Variants in CDH11 observed in about 807,000 individuals in gnomAD.
CDH11 encodes the protein cadherin-11.
CDH11 carries 11 observed loss-of-function variants against 67.8 expected under a neutral mutation model. The observed-to-expected ratio is 0.16, with a 90% CI of 0.10 to 0.27. The LOEUF (loss-of-function observed/expected upper bound fraction) is 0.27, where lower values mean the gene tolerates loss of function less well. Ranked by LOEUF, CDH11 falls within the 10% of genes least tolerant of loss-of-function variation. The pLI is 1.00. For synonymous variants in CDH11, 419 were observed against 400.0 expected, an observed-to-expected ratio of 1.05 and a Z score of -0.57; for missense variants, 847 against 1,031.2, an observed-to-expected ratio of 0.82 and a Z score of 2.45.
chr16:64,957,600 GCACACA>G (rs66508762), intron 11 of CDH11, among the ~76,000 whole-genome samples: 2,436 of 145,048 alleles, frequency 0.017, 40 homozygotes, highest in African/African-American at 0.039. Context: ...ACATGCCCGT[GCACACA>G]CACACACACA....
Position 64,982,208 on chromosome 16 carries a change from T to C in CDH11, c.1093A>G (p.Lys365Glu), listed in dbSNP as rs755267469. The change falls in exon 8 of 13, where the codon AAG (lysine) becomes GAG (glutamate). Residue 365 changes from lysine (K) to glutamate (E), a missense_variant. Physicochemically the swap from Lys to Glu is moderately conservative, Grantham distance 56 (BLOSUM62 1). Around this residue, in one of 2 missense-constraint regions of CDH11, gnomAD observed 612 missense variants for 678.7 expected, o/e 0.90. Coordinates refer to ENST00000268603, the MANE Select transcript of CDH11 (RefSeq NM_001797.4). ...GAGATCTTGACGGTCACAGTGTCCT[T>C]GAAAGGGCCATTGCTGATAAACTTC... ...DPKFISNGPF[K>E]DTVTVKISVE... 1.2e-6 allele frequency: 2 copies of C among 1,614,046 alleles called. No homozygotes were observed. The highest frequency in any genetic ancestry group is 2.2e-5 in the East Asian group (1 of 44,876).
At chr16:64,992,132 C>T (rs1486223752) in intron 5 of CDH11, among the ~76,000 whole-genome samples, 197 bp from the exon 6 acceptor site, 1 of 152,172 alleles carries the variant, frequency 6.6e-6, no homozygotes, top group South Asian at 2.1e-4. Context: ...ATAAAAATTA[C>T]TATACAGCAT....
At position 64,950,806 on chromosome 16, in the gene CDH11, C is replaced by A. The variant is rs769244467; in HGVS notation, c.1855G>T (p.Ala619Ser). ...ATGCAGGCGAGGATGGCGATCAGGGCGCCTGTGCTCAGGCCGGCGTTCAGA... is the reference window on the plus strand; with the variant it reads ...ATGCAGGCGAGGATGGCGATCAGGGAGCCTGTGCTCAGGCCGGCGTTCAGA... ...YILNAGLSTG[A>S]LIAILACIVI... Residue 619 changes from alanine to serine, a missense_variant, in exon 12 of 13, where the codon GCC becomes TCC. Transcript: ENST00000268603. The A allele has an allele frequency of 6.2e-7, 1 of 1,614,120 alleles. No individual in the cohort carries two copies. The highest frequency in any genetic ancestry group is 8.5e-7 in the Non-Finnish European group (1 of 1,180,006).
chr16:65,032,490 C>CAG lies in CDH11; in HGVS notation c.-173+21312_-173+21313dup, dbSNP rs139946984. Among the ~76,000 whole-genome samples, 262 of 149,434 alleles carry CAG rather than the reference C, an allele frequency of 1.8e-3. 1 individual carries two copies. Among genetic ancestry groups the CAG allele is most frequent in the East Asian group, 7.6e-3 (39 of 5,106 alleles). The stretch of plus-strand genomic sequence containing the variant: ...AGGTGACAGGATGAGGAAAAAGAGA[C>CAG]AGAGAGAGAGAGAGAGAGAATCAGA... On this transcript the variant is annotated intron_variant, in intron 2 of 12. Coordinates refer to ENST00000268603, the MANE Select transcript of CDH11 (RefSeq NM_001797.4).
chr16:65,005,034 G>A lies in CDH11; in HGVS notation c.-165C>T, dbSNP rs2073018104. The A allele has an allele frequency of 1.5e-6, 2 of 1,347,536 alleles. No individual in the cohort carries two copies. Among genetic ancestry groups the A allele is most frequent in the African/African-American group, 1.5e-5 (1 of 66,262 alleles). 83.5% of individuals were successfully genotyped at this position (1,347,536 alleles called of 1,614,324 possible). A position where few individuals can be genotyped will look rare whatever the true frequency, so the allele number is the denominator to read the frequency against. Reference sequence around the variant, plus strand: ...CACGTCAGGGCTGCCCACGTCCCCAGTTAGCTTCTGCAAGCAGAGAGAGGT... The same window carrying A: ...CACGTCAGGGCTGCCCACGTCCCCAATTAGCTTCTGCAAGCAGAGAGAGGT... On this transcript the variant is annotated 5_prime_UTR_variant, in exon 3 of 13. Transcript: ENST00000268603.
At chr16:64,988,042 A>G (rs1357559376) in intron 7 of CDH11, 115 bp downstream of exon 7, 1 of 729,066 alleles carries the variant, frequency 1.4e-6, no homozygotes, top group Admixed American at 2.7e-5. Context: ...AAGTCAGGTC[A>G]GCCCCTGGTT....
At chr16:65,000,469 T>G (rs1208951484) in intron 3 of CDH11, among the ~76,000 whole-genome samples, 2 of 152,146 alleles carry the variant, frequency 1.3e-5, no homozygotes, top group Non-Finnish European at 2.9e-5. Flanking sequence ...AAACCCTTTG[T>G]AAACTAGAGA....
At chr16:65,042,238 C>G (rs1023065367) in intron 2 of CDH11, among the ~76,000 whole-genome samples, 4 of 152,142 alleles carry the variant, frequency 2.6e-5, no homozygotes, top group Non-Finnish European at 5.9e-5. Context: ...ATGGGGAAAA[C>G]AGACAATATA....
chr16:65,101,152 C>G (rs2074984046), intron 1 of CDH11, among the ~76,000 whole-genome samples: 2 of 152,196 alleles, frequency 1.3e-5, no homozygotes, highest in Admixed American at 1.3e-4. Flanking sequence ...ATTCCAACCA[C>G]TTACACAAAC....
intron 1 of CDH11, among the ~76,000 whole-genome samples, chr16:65,091,266 T>C (rs936380662): frequency 1.3e-5 from 2 of 152,246 alleles, no homozygotes; most frequent in African/African-American, 2.4e-5. Flanking sequence ...TTTGCCATGA[T>C]AGATATTTTT....
chr16:65,107,441 T>C (rs1447339584), intron 1 of CDH11, among the ~76,000 whole-genome samples: 4 of 152,188 alleles, frequency 2.6e-5, no homozygotes, highest in Admixed American at 6.5e-5. Context: ...TCATCCTCTC[T>C]ACCAGTGAGG....
At chr16:65,075,179 T>G (rs923323289) in intron 1 of CDH11, among the ~76,000 whole-genome samples, 2 of 151,948 alleles carry the variant, frequency 1.3e-5, no homozygotes, top group African/African-American at 4.8e-5. Context: ...TAGGGAAAAA[T>G]GGGGGGAAAG....
chr16:64,955,958 A>C (rs1022189744), intron 11 of CDH11, among the ~76,000 whole-genome samples: 6 of 152,194 alleles, frequency 3.9e-5, no homozygotes, highest in African/African-American at 1.4e-4. Flanking sequence ...AGGTTTATGG[A>C]TAACCCAAGA....
intron 1 of CDH11, among the ~76,000 whole-genome samples, chr16:65,056,839 CT>C (rs1265877359): frequency 6.6e-6 from 1 of 152,318 alleles, no homozygotes; most frequent in African/African-American, 2.4e-5. Context: ...GAACTCCCCA[CT>C]TTGTCTTGCA....
At chr16:65,025,238 G>C (rs967856875) in intron 2 of CDH11, among the ~76,000 whole-genome samples, 14 of 152,302 alleles carry the variant, frequency 9.2e-5, no homozygotes, top group African/African-American at 3.1e-4. Context: ...GATAACAAAT[G>C]GGGAAACCCT....
rs2075335674 is a variant in CDH11, at chr16:65,121,789, C to G, written c.-298+91G>C. The G allele has an allele frequency of 1.4e-6, 1 of 700,090 alleles. No individual in the cohort carries two copies. Among genetic ancestry groups the G allele is most frequent in the Non-Finnish European group, 2.6e-6 (1 of 383,982 alleles). The allele number at this position is 700,090 out of a possible 1,614,324, so 43.4% of individuals were successfully genotyped here. A position where few individuals can be genotyped will look rare whatever the true frequency, so the allele number is the denominator to read the frequency against. On this transcript the variant is annotated intron_variant, in intron 1 of 12. Coordinates refer to ENST00000268603, the MANE Select transcript of CDH11 (RefSeq NM_001797.4). The surrounding 1 kb of genome is among the most constrained non-coding windows in gnomAD (Gnocchi z 4.1). ...CCACCGTCCCCCTCACCACCCCGCC[C>G]CGCCAAGACATTCTCTTCCTGAGAA...
chr16:64,988,055 G>T, intron 7 of CDH11, 102 bp downstream of exon 7: 1 of 932,186 alleles, frequency 1.1e-6, no homozygotes, highest in Non-Finnish European at 1.6e-6. Flanking sequence ...CCCTGGTTTC[G>T]CAAATTCTCA....
At position 64,982,337 on chromosome 16, in the gene CDH11, C is replaced by G. The variant is rs55924658; in HGVS notation, c.1000-36G>C. On this transcript the variant is annotated intron_variant, in intron 7 of 12. Transcript: ENST00000268603. ...TGAAGAGAAGATTGACAACCAATTC[C>G]TTGAAAGAATAATGGAAGAGAAAGA... is the stretch of plus-strand genomic sequence containing the variant. 2.6e-3 allele frequency: 3,968 copies of G among 1,542,030 alleles called. 77 individuals carry two copies. In the African/African-American group the frequency reaches 0.046, roughly 18 times the overall value.
At chr16:64,953,801 A>G (rs539125789) in intron 11 of CDH11, among the ~76,000 whole-genome samples, 39 of 152,338 alleles carry the variant, frequency 2.6e-4, no homozygotes, top group Middle Eastern at 6.8e-3. Context: ...CCATGTCATC[A>G]TGGATAAAAA....
Sources: gnomAD v4.1 joint callset for allele counts (sites outside exome capture counted in the v4.1 genomes callset) on GRCh38, gnomAD v4.1.1 for gene constraint, gnomAD v4.1.1 regional missense constraint, Gnocchi (gnomAD v3.1) non-coding constraint, MANE v1.5 for transcripts, NCBI Gene and HGNC (gene_info 2026-07-23, HGNC 2026-07-21) for gene names.